Variants in MAP3K4 observed in about 807,000 individuals in gnomAD.
MAP3K4 encodes mitogen-activated protein kinase kinase kinase 4.
In MAP3K4, 67 loss-of-function variants were observed where a neutral mutation model predicts 185.6. That is an observed-to-expected ratio of 0.36 (90% CI 0.30 to 0.44). The LOEUF (loss-of-function observed/expected upper bound fraction) is 0.44, where lower values mean the gene tolerates loss of function less well. MAP3K4 is among the 20% of genes least tolerant of loss of function. MAP3K4 has a pLI of 1.00. For synonymous variants in MAP3K4, 702 were observed against 710.4 expected (o/e 0.99, Z 0.19); for missense variants, 1,551 against 1,995.1 (o/e 0.78, Z 4.24).
chr6:161,043,434 T>A lies in MAP3K4; in HGVS notation c.344-5182T>A, dbSNP rs1455004721. Among the ~76,000 whole-genome samples the A allele has an allele frequency of 3.9e-5, 6 of 152,226 alleles. No homozygotes were observed. Among genetic ancestry groups the A allele is most frequent in the Non-Finnish European group, 8.8e-5 (6 of 68,040 alleles). Reference sequence around the variant, plus strand: ...GTAATCTTTTGTGGTACTCGCTGTCTTAGCCTTTCCTTGGTCAGTTGGTAC... The same window carrying A: ...GTAATCTTTTGTGGTACTCGCTGTCATAGCCTTTCCTTGGTCAGTTGGTAC... On this transcript the variant is annotated intron_variant, in intron 2 of 26. Coordinates refer to ENST00000392142, the MANE Select transcript of MAP3K4 (RefSeq NM_005922.4). This position sits in a 1 kb window ranked among gnomAD's most constrained non-coding sequence, Gnocchi z 4.3.
chr6:161,021,841 A>C (rs550299306), intron 1 of MAP3K4, among the ~76,000 whole-genome samples: 1 of 152,196 alleles, frequency 6.6e-6, no homozygotes, highest in Non-Finnish European at 1.5e-5. Flanking sequence ...CTAATAGTGT[A>C]ATTTGACACA....
rs1436141572 is a variant in MAP3K4 at position 161,081,117 on chromosome 6, GTGTT to G, written c.2255+83_2255+86del. 1.7e-5 allele frequency: 24 copies of G among 1,446,636 alleles called. No homozygotes were observed. In the African/African-American group the frequency reaches 3.1e-4, roughly 19 times the overall value. 89.6% of individuals were successfully genotyped at this position (1,446,636 alleles called of 1,614,324 possible). Reference sequence around the variant, plus strand: ...CATTTACTCACTGATTCTCTCCTATGTGTTTGTATGTTTAGTTACATGAAAATTG... The same window carrying G: ...CATTTACTCACTGATTCTCTCCTATGTGTATGTTTAGTTACATGAAAATTG... On this transcript the variant is annotated intron_variant, in intron 6 of 26. Transcript: ENST00000392142.
chr6:161,036,874 G>A (rs1321240338), intron 2 of MAP3K4, among the ~76,000 whole-genome samples: 1 of 152,096 alleles, frequency 6.6e-6, no homozygotes, highest in Non-Finnish European at 1.5e-5. Context: ...CAGATTTTTG[G>A]ATTTGTGGTG....
At position 161,070,599 on chromosome 6, in the gene MAP3K4, T is replaced by C; in HGVS notation, c.1708-9T>C. On this transcript the variant is annotated splice_polypyrimidine_tract_variant and intron_variant, in intron 3 of 26. Transcript: ENST00000392142. The surrounding 1 kb of genome is among the most constrained non-coding windows in gnomAD (Gnocchi z 4.5). ...CTTTTAATCTGTGCCTGTTGAATTTTTGTTATAGTTTTCTGAATTTCCAGA... is the reference window on the plus strand; with the variant it reads ...CTTTTAATCTGTGCCTGTTGAATTTCTGTTATAGTTTTCTGAATTTCCAGA... 1 of 1,611,748 alleles carries C rather than the reference T, an allele frequency of 6.2e-7. No homozygotes were observed. The highest frequency in any genetic ancestry group is 8.5e-7 in the Non-Finnish European group (1 of 1,179,292).
intron 2 of MAP3K4, among the ~76,000 whole-genome samples, chr6:161,039,587 T>A (rs1583151637): frequency 6.6e-6 from 1 of 152,210 alleles, no homozygotes; most frequent in Non-Finnish European, 1.5e-5. Context: ...TTGAAATTAT[T>A]TGATGGAATT....
intron 3 of MAP3K4, among the ~76,000 whole-genome samples, chr6:161,052,346 T>A (rs1784043763): frequency 6.6e-6 from 1 of 152,212 alleles, no homozygotes; most frequent in Non-Finnish European, 1.5e-5. Context: ...GAGTTCTGAA[T>A]TCTCATCTGA....
intron 1 of MAP3K4, among the ~76,000 whole-genome samples, chr6:161,012,442 G>A (rs643706): frequency 0.94 from 142,686 of 152,276 alleles, 67,158 homozygotes; most frequent in African/African-American, 0.97. Flanking sequence ...TTATAAGCTA[G>A]TTGGAAAAGA....
chr6:161,088,417 A>T lies in MAP3K4; in HGVS notation c.2823+463A>T, dbSNP rs1583216461. The stretch of plus-strand genomic sequence containing the variant: ...GTTATAAACTATGAGAAGCTTTCTC[A>T]TTTATCTGTGTTCAGCTTAGGAACA... On this transcript the variant is annotated intron_variant, in intron 10 of 26. Coordinates refer to ENST00000392142, the MANE Select transcript of MAP3K4 (RefSeq NM_005922.4). The surrounding 1 kb of genome is among the most constrained non-coding windows in gnomAD (Gnocchi z 4.5). Among the ~76,000 whole-genome samples, 1 of 152,124 alleles carries T rather than the reference A, an allele frequency of 6.6e-6. No individual in the cohort carries two copies. The highest frequency in any genetic ancestry group is 6.5e-5 in the Admixed American group (1 of 15,270).
chr6:161,030,364 T>A (rs1042562235), intron 1 of MAP3K4, among the ~76,000 whole-genome samples: 3 of 152,172 alleles, frequency 2.0e-5, no homozygotes, highest in Non-Finnish European at 4.4e-5. Flanking sequence ...AATGTCTACT[T>A]GAGTCATTTC....
chr6:161,086,753 T>C lies in MAP3K4; in HGVS notation c.2556+86T>C. The stretch of plus-strand genomic sequence containing the variant: ...GCAGACTTTTTCTTGAAGGTCCAGA[T>C]AGTAAATATTACAGGCTCTGAAGGC... On this transcript the variant is annotated intron_variant, in intron 9 of 26. Transcript: ENST00000392142. The surrounding 1 kb of genome is among the most constrained non-coding windows in gnomAD (Gnocchi z 4.8). The C allele has an allele frequency of 9.7e-7, 1 of 1,031,630 alleles. No individual in the cohort carries two copies. Among genetic ancestry groups the C allele is most frequent in the South Asian group, 1.5e-5 (1 of 66,148 alleles). The allele number at this position is 1,031,630 out of a possible 1,614,324, so 63.9% of individuals were successfully genotyped here.
At chr6:161,025,998 G>A (rs1047768445) in intron 1 of MAP3K4, among the ~76,000 whole-genome samples, 2 of 152,064 alleles carry the variant, frequency 1.3e-5, no homozygotes, top group Admixed American at 6.5e-5. Context: ...ATAGTTTTTG[G>A]TTGGCATTTC....
rs1319492139 is a variant in MAP3K4, at chr6:161,080,202, A to G, written c.2098-679A>G. On this transcript the variant is annotated intron_variant, in intron 5 of 26. Transcript: ENST00000392142. The surrounding 1 kb of genome is among the most constrained non-coding windows in gnomAD (Gnocchi z 4.8). ...TTCTTTTAAGTAAAGGAGTCCATAG[A>G]CAGGGTTGTTCTAGAAGGTGGCCAT... 6.6e-6 allele frequency among the ~76,000 whole-genome samples: 1 copy of G among 152,204 alleles called. No individual in the cohort carries two copies. Among genetic ancestry groups the G allele is most frequent in the Non-Finnish European group, 1.5e-5 (1 of 68,036 alleles).
chr6:161,052,727 G>A lies in MAP3K4; in HGVS notation c.1707+2748G>A, dbSNP rs979986279. ...GAACATAATTTCTATAAAGGGAGGC[G>A]TGTGTGTGTGCGTGCTTGTGTGTGT... is the stretch of plus-strand genomic sequence containing the variant. On this transcript the variant is annotated intron_variant, in intron 3 of 26. Transcript: ENST00000392142. Among the ~76,000 whole-genome samples, 6 of 151,984 alleles carry A rather than the reference G, an allele frequency of 3.9e-5. No homozygotes were observed. In the South Asian group the frequency reaches 1.0e-3, roughly 26 times the overall value.
At chr6:160,998,039 A>C (rs1372377866) in intron 1 of MAP3K4, among the ~76,000 whole-genome samples, 3 of 152,114 alleles carry the variant, frequency 2.0e-5, no homozygotes, top group Non-Finnish European at 4.4e-5. Context: ...TAAATAAATA[A>C]ATAAAAATAA....
In MAP3K4 at chr6:160,992,243, A is replaced by C. The variant is rs371625824; in HGVS notation, c.152+160A>C. ...GGGGCGCGGTGCATCCCTGGGTCCC[A>C]GGGGACCGCGTCTGAGTCTGTCCGG... On this transcript the variant is annotated intron_variant, in intron 1 of 26. Transcript: ENST00000392142. 1.6e-4 allele frequency: 160 copies of C among 1,013,958 alleles called. 1 individual carries two copies. The East Asian group carries it at 3.7e-3, about 23-fold the overall frequency. 62.8% of individuals were successfully genotyped at this position (1,013,958 alleles called of 1,614,324 possible). A position where few individuals can be genotyped will look rare whatever the true frequency, so the allele number is the denominator to read the frequency against.
Position 160,991,968 on chromosome 6 carries a change from G to A in MAP3K4, c.37G>A (p.Ala13Thr), listed in dbSNP as rs779918463. 8 of 1,544,596 alleles carry A rather than the reference G, an allele frequency of 5.2e-6. No homozygotes were observed. The Admixed American group carries it at 1.5e-4, about 29-fold the overall frequency. Residue 13 changes from alanine to threonine, a missense_variant, in exon 1 of 27, where the codon GCC becomes ACC. Transcript: ENST00000392142. This position sits in a 1 kb window ranked among gnomAD's most constrained non-coding sequence, Gnocchi z 5.7. ...EAAAALVPPP[A>T]FAVTPAAAME... ...CGCTGCCGCGCTGGTCCCTCCTCCC[G>A]CCTTTGCCGTCACGCCTGCCGCCGC...
At chr6:161,057,499 A>AT (rs1784295376) in intron 3 of MAP3K4, among the ~76,000 whole-genome samples, 1 of 152,218 alleles carries the variant, frequency 6.6e-6, no homozygotes, top group Admixed American at 6.5e-5. Flanking sequence ...GCACCTCAGC[A>AT]TTACCTAGAG....
rs1785989155 is a variant in MAP3K4, at chr6:161,090,720, C to T, written c.2974-659C>T. Reference sequence around the variant, plus strand: ...CTTGGTCGTGGAGGGCCGCCCTGCGCATTGTAGGATGTTTAGAGCCAGGGC... The same window carrying T: ...CTTGGTCGTGGAGGGCCGCCCTGCGTATTGTAGGATGTTTAGAGCCAGGGC... On this transcript the variant is annotated intron_variant, in intron 11 of 26. Transcript: ENST00000392142. Among the ~76,000 whole-genome samples the T allele has an allele frequency of 3.2e-5, 2 of 61,770 alleles. 1 individual carries two copies. Among genetic ancestry groups the T allele is most frequent in the Non-Finnish European group, 8.0e-5 (2 of 24,998 alleles). 40.5% of individuals were successfully genotyped at this position (61,770 alleles called of 152,430 possible). A position where few individuals can be genotyped will look rare whatever the true frequency, so the allele number is the denominator to read the frequency against.
In MAP3K4 at chr6:161,030,869, C is replaced by T. The variant is rs192098002; in HGVS notation, c.153-3390C>T. Among the ~76,000 whole-genome samples, 3 of 152,256 alleles carry T rather than the reference C, an allele frequency of 2.0e-5. No homozygotes were observed. In the East Asian group the frequency reaches 5.8e-4, roughly 29 times the overall value. On this transcript the variant is annotated intron_variant, in intron 1 of 26. Coordinates refer to ENST00000392142, the MANE Select transcript of MAP3K4 (RefSeq NM_005922.4). ...ATGGAATGTAAACCAGTATCTTTTC[C>T]AACAAGTGAGAATACCATGTTGACT...
Sources: allele counts gnomAD v4.1 joint callset (sites outside exome capture counted in the v4.1 genomes callset), GRCh38; gene constraint gnomAD v4.1.1; non-coding constraint Gnocchi (gnomAD v3.1); transcripts MANE v1.5; gene names NCBI Gene and HGNC (gene_info 2026-07-23, HGNC 2026-07-21).